Variants in RGS6 observed in about 807,000 individuals in gnomAD.
RGS6 encodes regulator of G-protein signaling 6.
RGS6 carries 30 observed loss-of-function variants against 78.5 expected under a neutral mutation model. That is an observed-to-expected ratio of 0.38 (90% CI 0.29 to 0.52). RGS6 has a LOEUF of 0.52. Among genes scored for constraint, RGS6 ranks in the 20% least tolerant of loss-of-function variants. The pLI is 0.85. For synonymous variants in RGS6, 206 were observed against 206.0 expected, an observed-to-expected ratio of 1.00 and a Z score of 0.00; for missense variants, 495 against 609.7, an observed-to-expected ratio of 0.81 and a Z score of 1.98.
the RGS6 span, among the ~76,000 whole-genome samples, chr14:72,579,615 C>T: frequency 6.6e-6 from 1 of 152,130 alleles, no homozygotes; most frequent in South Asian, 2.1e-4. Context: ...AATGCCCAGC[C>T]CCTCTGAGCA....
intron 3 of RGS6, among the ~76,000 whole-genome samples, chr14:72,395,291 A>G (rs1033371716): frequency 6.6e-6 from 1 of 152,314 alleles, no homozygotes; most frequent in East Asian, 1.9e-4. Flanking sequence ...ACTTCATTTC[A>G]TACTCTTTCA....
At chr14:72,057,499 A>G (rs111651801) in intron 2 of RGS6, among the ~76,000 whole-genome samples, 17 of 152,096 alleles carry the variant, frequency 1.1e-4, no homozygotes, top group African/African-American at 4.1e-4. Context: ...TTGCTCCAGG[A>G]GAGCCACTGG....
chr14:71,991,482 C>G (rs1052632054), intron 2 of RGS6, among the ~76,000 whole-genome samples: 44 of 151,964 alleles, frequency 2.9e-4, no homozygotes, highest in African/African-American at 1.0e-3. Flanking sequence ...CCCTCTGTGT[C>G]TCAATTAAAA....
chr14:72,038,729 C>T (rs565363196), intron 2 of RGS6, among the ~76,000 whole-genome samples: 2 of 152,272 alleles, frequency 1.3e-5, no homozygotes, highest in South Asian at 4.1e-4. Flanking sequence ...ATTGCTAACA[C>T]ATAAAAATAT....
At chr14:72,395,010 C>G (rs1273258732) in intron 3 of RGS6, among the ~76,000 whole-genome samples, 1 of 152,134 alleles carries the variant, frequency 6.6e-6, no homozygotes, top group African/African-American at 2.4e-5. Context: ...TTTGGGGTCC[C>G]TGACTTCCTG....
upstream of RGS6, among the ~76,000 whole-genome samples, chr14:71,927,648 G>T (rs942501020): frequency 4.0e-5 from 6 of 151,540 alleles, no homozygotes; most frequent in Admixed American, 2.0e-4. Flanking sequence ...TGAAGTTCAA[G>T]AATCCTTTTT....
At chr14:71,989,198 T>G (rs910296198) in intron 2 of RGS6, among the ~76,000 whole-genome samples, 1 of 152,252 alleles carries the variant, frequency 6.6e-6, no homozygotes, top group Non-Finnish European at 1.5e-5. Context: ...GTTATTCCCA[T>G]GCCGCATATG....
intron 2 of RGS6, among the ~76,000 whole-genome samples, chr14:72,131,338 A>T (rs2096310874): frequency 6.6e-6 from 1 of 152,122 alleles, no homozygotes; most frequent in Non-Finnish European, 1.5e-5. Context: ...TCTACTTGGG[A>T]TACTTAAGGA....
chr14:72,596,718 T>C, the RGS6 span, among the ~76,000 whole-genome samples: 1 of 152,206 alleles, frequency 6.6e-6, no homozygotes, highest in Admixed American at 6.5e-5. Flanking sequence ...GGTTACTACA[T>C]GCCAAACACT....
intron 2 of RGS6, among the ~76,000 whole-genome samples, chr14:72,178,814 G>A (rs1440657134): frequency 6.6e-6 from 1 of 152,190 alleles, no homozygotes; most frequent in Non-Finnish European, 1.5e-5. Context: ...AAGGGGAAAG[G>A]TCTTCCTAAT....
At chr14:72,597,393 G>A in the RGS6 span, among the ~76,000 whole-genome samples, 7 of 152,230 alleles carry the variant, frequency 4.6e-5, no homozygotes, top group Non-Finnish European at 8.8e-5. Flanking sequence ...AGCCTAGTAG[G>A]GTGTAGTGGA....
chr14:72,250,285 C>T (rs2055367923), intron 2 of RGS6, among the ~76,000 whole-genome samples: 1 of 150,612 alleles, frequency 6.6e-6, no homozygotes, highest in Non-Finnish European at 1.5e-5. Context: ...ATGATTGTTG[C>T]ACTCTCCTAC....
chr14:72,529,635 G>C (rs2097157971), intron 15 of RGS6, among the ~76,000 whole-genome samples: 1 of 151,990 alleles, frequency 6.6e-6, no homozygotes, highest in Non-Finnish European at 1.5e-5. Context: ...AGACTGTGAA[G>C]CTGCAAGACC....
chr14:72,469,736 C>T, intron 7 of RGS6: 1 of 309,746 alleles, frequency 3.2e-6, no homozygotes, highest in Non-Finnish European at 5.9e-6. Context: ...GTGTGAGTTG[C>T]ATTCTTGTAA....
At chr14:71,962,166 C>T (rs17104979) in intron 1 of RGS6, among the ~76,000 whole-genome samples, 2 of 152,098 alleles carry the variant, frequency 1.3e-5, no homozygotes, top group Non-Finnish European at 2.9e-5. Flanking sequence ...CTACTGAATA[C>T]GAGGCTTACT....
At chr14:72,425,189 A>G (rs1401862685) in intron 3 of RGS6, among the ~76,000 whole-genome samples, 2 of 152,084 alleles carry the variant, frequency 1.3e-5, no homozygotes, top group Non-Finnish European at 2.9e-5. Flanking sequence ...CCCAGGCTAG[A>G]GTGTAGTGGT....
intron 3 of RGS6, among the ~76,000 whole-genome samples, chr14:72,400,252 A>T (rs2092213320): frequency 6.6e-6 from 1 of 152,244 alleles, no homozygotes; most frequent in South Asian, 2.1e-4. Context: ...TAAAGAAAAG[A>T]ATTTTCAACA....
At chr14:71,897,709 T>C in the RGS6 span, among the ~76,000 whole-genome samples, 3 of 151,936 alleles carry the variant, frequency 2.0e-5, no homozygotes, top group African/African-American at 2.4e-5. Context: ...TTAGTAGCGA[T>C]GGGGTTTCAC....
At chr14:72,273,118 G>C (rs1235446732) in intron 2 of RGS6, among the ~76,000 whole-genome samples, 1 of 148,250 alleles carries the variant, frequency 6.7e-6, no homozygotes, top group East Asian at 2.0e-4. Flanking sequence ...GGCTACAAGG[G>C]CAAAACTCCA....
Sources: gnomAD v4.1 joint callset for allele counts (sites outside exome capture counted in the v4.1 genomes callset) on GRCh38, gnomAD v4.1.1 for gene constraint, MANE v1.5 for transcripts, NCBI Gene and HGNC (gene_info 2026-07-23, HGNC 2026-07-21) for gene names.